The following WWOX variants were observed in gnomAD, a reference collection of about 807,000 sequenced individuals.
WWOX encodes the protein WW domain containing oxidoreductase.
WWOX carries 69 observed loss-of-function variants against 46.2 expected under a neutral mutation model. The ratio of observed to expected loss-of-function variants is 1.49; its 90% confidence interval spans 1.23 to 1.82. The LOEUF (loss-of-function observed/expected upper bound fraction) is 1.82. WWOX is among the 40% of genes most tolerant of loss of function. The pLI, the probability that WWOX is intolerant of heterozygous loss-of-function variation, is 0.00. For missense variants in WWOX, 919 were observed against 542.6 expected (o/e 1.69, Z -6.89); for synonymous variants, 359 against 202.6 (o/e 1.77, Z -6.56).
chr16:78,712,262 G>C (rs1027919490), intron 8 of WWOX, among the ~76,000 whole-genome samples: 1 of 152,090 alleles, frequency 6.6e-6, no homozygotes, highest in Non-Finnish European at 1.5e-5. Context: ...CCAGCACTTT[G>C]GGAGGCCGAG....
At chr16:78,580,397 G>T (rs1187407871) in intron 8 of WWOX, among the ~76,000 whole-genome samples, 1 of 152,156 alleles carries the variant, frequency 6.6e-6, no homozygotes, top group Non-Finnish European at 1.5e-5. Context: ...TTCAGTCAAT[G>T]CTGAGCACCA....
chr16:78,576,323 T>G (rs149215559), intron 8 of WWOX, among the ~76,000 whole-genome samples: 1 of 152,228 alleles, frequency 6.6e-6, no homozygotes, highest in Non-Finnish European at 1.5e-5. Context: ...TTCTTTCTTT[T>G]ATTCAAAATT....
At chr16:78,963,597 G>A (rs996716288) in intron 8 of WWOX, among the ~76,000 whole-genome samples, 24 of 152,208 alleles carry the variant, frequency 1.6e-4, no homozygotes, top group African/African-American at 5.5e-4. Context: ...GCTTATGCTA[G>A]TTATGTTAGT....
chr16:78,101,378 G>A (rs535607222), intron 1 of WWOX, among the ~76,000 whole-genome samples: 138 of 46,966 alleles, frequency 2.9e-3, no homozygotes, highest in South Asian at 0.013. Context: ...ACAGGGTCTC[G>A]CTCCGTCGCC....
chr16:78,626,620 T>G (rs1364064847), intron 8 of WWOX, among the ~76,000 whole-genome samples: 2 of 152,160 alleles, frequency 1.3e-5, no homozygotes, highest in African/African-American at 4.8e-5. Context: ...GTTTCTCCAC[T>G]GCACACTTAG....
chr16:79,117,824 C>G (rs1221641601), intron 8 of WWOX, among the ~76,000 whole-genome samples: 2 of 152,200 alleles, frequency 1.3e-5, no homozygotes, highest in Non-Finnish European at 2.9e-5. Flanking sequence ...CTGCAGCTTC[C>G]TCACCCCTCT....
chr16:78,767,100 CCCTTCCTTCCTTCCTTCTTT>C (rs1376129485), intron 8 of WWOX, among the ~76,000 whole-genome samples: 1 of 129,864 alleles, frequency 7.7e-6, no homozygotes, highest in South Asian at 3.0e-4. Context: ...CTCCTTTCCT[CCCTTCCTTCCTTCCTTCTTT>C]CCTTCCTTCC....
intron 8 of WWOX, among the ~76,000 whole-genome samples, chr16:78,907,942 A>T (rs1314265015): frequency 1.3e-5 from 2 of 152,148 alleles, no homozygotes; most frequent in East Asian, 3.9e-4. Context: ...AACAGATGAG[A>T]AAGGGGAGGA....
rs778036247 is a variant in WWOX at position 78,099,787 on chromosome 16, G to C, written c.9G>C (p.Ala3=). The C allele has an allele frequency of 2.1e-5, 33 of 1,556,654 alleles. No individual in the cohort carries two copies. In the South Asian group the frequency reaches 3.7e-4, roughly 17 times the overall value. Residue 3 remains alanine (A), a synonymous_variant, in exon 1 of 9, where the codon GCG becomes GCC. Coordinates refer to ENST00000566780, the MANE Select transcript of WWOX (RefSeq NM_016373.4). MA[A]LRYAGLDDTD... ...TGCCTCCACAGTCAGCCATGGCAGC[G>C]CTGCGCTACGCGGGGCTGGACGACA...
intron 8 of WWOX, among the ~76,000 whole-genome samples, chr16:78,531,804 G>C (rs1385153351): frequency 6.6e-6 from 1 of 152,098 alleles, no homozygotes; most frequent in Non-Finnish European, 1.5e-5. Context: ...GTTGTAGTGA[G>C]CCAAACTTGC....
intron 8 of WWOX, among the ~76,000 whole-genome samples, chr16:78,561,380 G>T (rs1185461590): frequency 2.0e-5 from 3 of 152,078 alleles, no homozygotes; most frequent in African/African-American, 4.8e-5. Context: ...TTGATGTCTA[G>T]GTCTGGATTT....
In WWOX at chr16:78,575,307, C is replaced by G. The variant is rs533553169; in HGVS notation, c.1056+142555C>G. Reference sequence around the variant, plus strand: ...TGTTAAGACTATCTAAGATTCAGATCTCCCTAATACTGTTCCTAGTTAGTA... The same window carrying G: ...TGTTAAGACTATCTAAGATTCAGATGTCCCTAATACTGTTCCTAGTTAGTA... On this transcript the variant is annotated intron_variant, in intron 8 of 8. Coordinates refer to ENST00000566780, the MANE Select transcript of WWOX (RefSeq NM_016373.4). Among the ~76,000 whole-genome samples the G allele has an allele frequency of 4.7e-5, 7 of 149,884 alleles. No homozygotes were observed. In the South Asian group the frequency reaches 1.1e-3, roughly 23 times the overall value.
intron 5 of WWOX, among the ~76,000 whole-genome samples, chr16:78,286,603 C>G (rs1474509225): frequency 6.6e-6 from 1 of 150,874 alleles, no homozygotes; most frequent in Admixed American, 6.6e-5. Context: ...TTTTTTTTCC[C>G]CTAAGAAATG....
intron 8 of WWOX, among the ~76,000 whole-genome samples, chr16:78,508,102 G>C (rs904089546): frequency 2.0e-5 from 3 of 151,814 alleles, no homozygotes; most frequent in African/African-American, 7.3e-5. Flanking sequence ...CTGCCTCCCA[G>C]GTTCAAGCAA....
intron 8 of WWOX, chr16:79,077,378 A>G (rs1418847857): frequency 6.6e-6 from 1 of 152,190 alleles, no homozygotes; most frequent in Admixed American, 6.5e-5. Context: ...GGTCCCGACA[A>G]TGTGTGGATT....
intron 8 of WWOX, among the ~76,000 whole-genome samples, chr16:78,769,818 A>G (rs1026971731): frequency 2.4e-4 from 37 of 151,286 alleles, no homozygotes; most frequent in African/African-American, 7.8e-4. Flanking sequence ...ATCAGTGTGG[A>G]CAACATAGGG....
At chr16:78,332,906 C>T (rs2080793958) in intron 5 of WWOX, among the ~76,000 whole-genome samples, 1 of 152,114 alleles carries the variant, frequency 6.6e-6, no homozygotes, top group African/African-American at 2.4e-5. Flanking sequence ...TAAGATGTTT[C>T]CGTTGCTTAT....
At chr16:78,505,056 G>T (rs2085160027) in intron 8 of WWOX, among the ~76,000 whole-genome samples, 2 of 152,078 alleles carry the variant, frequency 1.3e-5, no homozygotes, top group African/African-American at 4.8e-5. Context: ...TCCTCTAAGG[G>T]ATATTATTGT....
chr16:78,751,295 C>A (rs890677293), intron 8 of WWOX, among the ~76,000 whole-genome samples: 9 of 151,282 alleles, frequency 5.9e-5, no homozygotes, highest in Non-Finnish European at 1.3e-4. Context: ...TGACATCTAG[C>A]ATTAAATTTA....
Sources: gnomAD v4.1 joint callset for allele counts (sites outside exome capture counted in the v4.1 genomes callset) on GRCh38, gnomAD v4.1.1 for gene constraint, MANE v1.5 for transcripts, NCBI Gene and HGNC (gene_info 2026-07-23, HGNC 2026-07-21) for gene names.